Variants in NRP2 observed in about 807,000 individuals in gnomAD.
NRP2 encodes neuropilin 2.
In NRP2, 52 loss-of-function variants were observed where a neutral mutation model predicts 110.4. That is an observed-to-expected ratio of 0.47 (90% CI 0.38 to 0.59). NRP2 has a LOEUF of 0.59. Among genes scored for constraint, NRP2 ranks in the 20% least tolerant of loss-of-function variants. The probability of loss-of-function intolerance (pLI) is 0.00; values close to 1 mark genes in which losing one functional copy is unlikely to be tolerated. For synonymous variants in NRP2, 508 were observed against 468.9 expected, an observed-to-expected ratio of 1.08 and a Z score of -1.08; for missense variants, 1,049 against 1,203.0, an observed-to-expected ratio of 0.87 and a Z score of 1.89.
intron 12 of NRP2, chr2:205,759,770 A>G (rs1263245046): frequency 6.6e-6 from 1 of 152,214 alleles, no homozygotes. Flanking sequence ...AGTAAAATAA[A>G]GGCAAGCATA....
chr2:205,699,080 C>A (rs948558619), intron 2 of NRP2, among the ~76,000 whole-genome samples: 36 of 152,314 alleles, frequency 2.4e-4, no homozygotes, highest in African/African-American at 7.9e-4. Flanking sequence ...AAGGGTTTCC[C>A]GGATGAATGC....
chr2:205,781,824 G>C (rs376169626), intron 15 of NRP2, among the ~76,000 whole-genome samples: 6 of 152,324 alleles, frequency 3.9e-5, no homozygotes, highest in East Asian at 3.9e-4. Context: ...GCAGGGAAAA[G>C]AATTGCCTCA....
At chr2:205,683,421 C>T (rs2056059364) in intron 1 of NRP2, 58 bp downstream of exon 1, 9 of 1,293,282 alleles carry the variant, frequency 7.0e-6, no homozygotes, top group Non-Finnish European at 1.0e-5. Flanking sequence ...TAAAAGTGAC[C>T]GCTAAAGCAG....
chr2:205,776,625 C>T, intron 15 of NRP2: 1 of 1,593,702 alleles, frequency 6.3e-7, no homozygotes, highest in East Asian at 2.2e-5. Context: ...TCTGTGTGAA[C>T]TCTCAGACAT....
chr2:205,708,172 G>A (rs886541037), intron 2 of NRP2, among the ~76,000 whole-genome samples: 2 of 152,166 alleles, frequency 1.3e-5, no homozygotes, highest in African/African-American at 4.8e-5. Context: ...GACTGCAGAG[G>A]GTGAGGATTT....
intron 15 of NRP2, chr2:205,779,686 G>T (rs1183081641): frequency 6.6e-6 from 1 of 152,184 alleles, no homozygotes; most frequent in Non-Finnish European, 1.5e-5. Flanking sequence ...TGTGTGGAAT[G>T]TAATAAAATG....
At chr2:205,759,257 A>G (rs1170430981) in intron 12 of NRP2, among the ~76,000 whole-genome samples, 1 of 152,206 alleles carries the variant, frequency 6.6e-6, no homozygotes, top group East Asian at 1.9e-4. Context: ...ACAAGTGAAA[A>G]TGTCTCTAAG....
Position 205,723,801 on chromosome 2 carries a change from C to T in NRP2, c.681C>T (p.Gly227=). 6.2e-7 allele frequency: 1 copy of T among 1,614,176 alleles called. No individual in the cohort carries two copies. Among genetic ancestry groups the T allele is most frequent in the Non-Finnish European group, 8.5e-7 (1 of 1,180,024 alleles). ...DGIPHVGPLI[G]KYCGTKTPSE... is the part of the protein sequence containing the mutation. ...AATGTCCAGTTGGCCCCCTGATTGG[C>T]AAGTACTGTGGGACCAAAACACCCT... The change falls in exon 5 of 17, where the codon GGC becomes GGT. Residue 227 remains glycine (G), a synonymous_variant. Transcript: ENST00000357785.
At chr2:205,747,585 A>G (rs2057560864) in intron 10 of NRP2, among the ~76,000 whole-genome samples, 2 of 152,210 alleles carry the variant, frequency 1.3e-5, no homozygotes, top group South Asian at 4.1e-4. Flanking sequence ...GTCATGACCT[A>G]TTCGACGGAT....
Position 205,705,183 on chromosome 2 carries a change from G to GAA in NRP2, c.251+7475_251+7476dup, listed in dbSNP as rs5837991. On this transcript the variant is annotated intron_variant, in intron 2 of 16. Transcript: ENST00000357785. Reference sequence around the variant, plus strand: ...ACTTCTGCCTGGATAAATAATTCCAGAAAAAAAAAAAAAAGATATCAGCTG... The same window carrying GAA: ...ACTTCTGCCTGGATAAATAATTCCAGAAAAAAAAAAAAAAAAGATATCAGCTG... 5.2e-3 allele frequency among the ~76,000 whole-genome samples: 750 copies of GAA among 144,000 alleles called. 5 individuals are homozygous for GAA. Among genetic ancestry groups the GAA allele is most frequent in the East Asian group, 0.02 (98 of 4,980 alleles). 94.5% of individuals were successfully genotyped at this position (144,000 alleles called of 152,430 possible).
intron 7 of NRP2, among the ~76,000 whole-genome samples, chr2:205,735,158 C>T (rs1327024241): frequency 2.0e-5 from 3 of 151,486 alleles, no homozygotes; most frequent in Non-Finnish European, 4.4e-5. Context: ...TGACAGGTAG[C>T]ATCTACACTG....
intron 15 of NRP2, among the ~76,000 whole-genome samples, chr2:205,788,061 A>G (rs2058255477): frequency 1.3e-5 from 2 of 152,138 alleles, no homozygotes; most frequent in Non-Finnish European, 2.9e-5. Flanking sequence ...TTTCTGGAAC[A>G]GTCTTGTGGG....
rs1385988837 is a variant in NRP2, at chr2:205,686,588, C to A, written c.73+3225C>A. 6.6e-6 allele frequency among the ~76,000 whole-genome samples: 1 copy of A among 152,122 alleles called. No individual in the cohort carries two copies. The highest frequency in any genetic ancestry group is 1.5e-5 in the Non-Finnish European group (1 of 68,024). ...AGGCGTCCAGCGGCTGGGTGGCGGG[C>A]GCCGGTAGCCCTAGTGTTTGGAGGT... On this transcript the variant is annotated intron_variant, in intron 1 of 16. Transcript: ENST00000357785. The surrounding 1 kb of genome is among the most constrained non-coding windows in gnomAD (Gnocchi z 4.7).
intron 2 of NRP2, among the ~76,000 whole-genome samples, chr2:205,710,617 C>T (rs1428572114): frequency 6.6e-6 from 1 of 152,262 alleles, no homozygotes; most frequent in African/African-American, 2.4e-5. Flanking sequence ...GCCTAAGGAG[C>T]AGGTGGCCTG....
At chr2:205,693,111 T>C (rs188646809) in intron 1 of NRP2, among the ~76,000 whole-genome samples, 1 of 152,340 alleles carries the variant, frequency 6.6e-6, no homozygotes, top group Non-Finnish European at 1.5e-5. Flanking sequence ...TTGCTACCAA[T>C]AATTAAATGA....
intron 2 of NRP2, among the ~76,000 whole-genome samples, chr2:205,708,827 C>T (rs781021910): frequency 5.3e-5 from 8 of 151,998 alleles, no homozygotes; most frequent in African/African-American, 9.7e-5. Flanking sequence ...AAAATATCAG[C>T]GATTTGTGGT....
chr2:205,765,612 C>T (rs767986056), intron 14 of NRP2, 42 bp downstream of exon 14: 2 of 1,533,706 alleles, frequency 1.3e-6, no homozygotes, highest in Admixed American at 1.7e-5. Context: ...TCAAATAAGA[C>T]CCCAAGGGCT....
intron 2 of NRP2, among the ~76,000 whole-genome samples, chr2:205,703,357 T>C (rs2056603105): frequency 6.6e-6 from 1 of 152,210 alleles, no homozygotes; most frequent in Non-Finnish European, 1.5e-5. Context: ...GCTAAGCACG[T>C]TGGTATTATT....
intron 15 of NRP2, among the ~76,000 whole-genome samples, chr2:205,783,924 A>C (rs2058206063): frequency 6.6e-6 from 1 of 151,948 alleles, no homozygotes; most frequent in African/African-American, 2.4e-5. Flanking sequence ...CCTCCTGGGC[A>C]TGAGGTATGA....
Sources: gnomAD v4.1 joint callset for allele counts (sites outside exome capture counted in the v4.1 genomes callset) on GRCh38, gnomAD v4.1.1 for gene constraint, Gnocchi (gnomAD v3.1) non-coding constraint, MANE v1.5 for transcripts, NCBI Gene and HGNC (gene_info 2026-07-23, HGNC 2026-07-21) for gene names.